The following ZNF420 variants were observed in gnomAD, a reference collection of about 807,000 sequenced individuals.
ZNF420 encodes the protein zinc finger protein 420.
ZNF420 carries 31 observed loss-of-function variants against 44.7 expected under a neutral mutation model. The observed-to-expected ratio is 0.69, with a 90% CI of 0.52 to 0.94. The LOEUF is 0.94. ZNF420 is among the 40% of genes least tolerant of loss of function. The probability of loss-of-function intolerance (pLI) is 0.00; values close to 1 mark genes in which losing one functional copy is unlikely to be tolerated. For missense variants in ZNF420, 681 were observed against 827.9 expected, an observed-to-expected ratio of 0.82 and a Z score of 2.18; for synonymous variants, 245 against 267.4, an observed-to-expected ratio of 0.92 and a Z score of 0.82.
intron 1 of ZNF420, among the ~76,000 whole-genome samples, chr19:37,032,393 T>A (rs930323834): frequency 2.0e-5 from 3 of 149,976 alleles, no homozygotes; most frequent in African/African-American, 7.4e-5. Flanking sequence ...TAATCCCAGG[T>A]ACTTCGGAGG....
chr19:37,011,377 C>T (rs1392814768), intron 1 of ZNF420, among the ~76,000 whole-genome samples: 1 of 152,084 alleles, frequency 6.6e-6, no homozygotes, highest in African/African-American at 2.4e-5. Flanking sequence ...AAGGCGGTGT[C>T]GCGTTTCCTC....
chr19:37,057,667 A>C (rs575880310), intron 1 of ZNF420, among the ~76,000 whole-genome samples: 1 of 151,962 alleles, frequency 6.6e-6, no homozygotes, highest in East Asian at 1.9e-4. Context: ...TGGTGGTTCC[A>C]CTTTGGGATT....
chr19:37,125,419 A>T (rs1235856255), intron 4 of ZNF420, among the ~76,000 whole-genome samples: 1 of 152,204 alleles, frequency 6.6e-6, no homozygotes, highest in African/African-American at 2.4e-5. Context: ...TCATAGATTT[A>T]GTATGGAGGT....
chr19:37,080,837 G>A (rs1420650332), intron 2 of ZNF420, among the ~76,000 whole-genome samples: 1 of 151,872 alleles, frequency 6.6e-6, no homozygotes, highest in East Asian at 1.9e-4. Flanking sequence ...CGGATGGAAC[G>A]AGGTTAGGAG....
chr19:37,059,831 T>C (rs527645905), intron 1 of ZNF420, among the ~76,000 whole-genome samples: 5 of 152,198 alleles, frequency 3.3e-5, no homozygotes, highest in African/African-American at 1.2e-4. Context: ...TCTGTGTGTG[T>C]GTGCGTATGT....
chr19:37,085,297 T>G (rs760473509), intron 2 of ZNF420, among the ~76,000 whole-genome samples: 1 of 152,260 alleles, frequency 6.6e-6, no homozygotes, highest in Non-Finnish European at 1.5e-5. Context: ...CCACAGTATA[T>G]TCTCTGTATA....
chr19:37,095,648 T>G (rs1048249938), intron 4 of ZNF420, among the ~76,000 whole-genome samples: 10 of 152,228 alleles, frequency 6.6e-5, no homozygotes, highest in Admixed American at 2.6e-4. Flanking sequence ...GCCCAGGCTG[T>G]AGTGCAGTGG....
chr19:37,025,531 C>CTTTTTTTTTTTTTTTTTTTTTTT (rs990549701), intron 1 of ZNF420, among the ~76,000 whole-genome samples: 1 of 151,940 alleles, frequency 6.6e-6, no homozygotes, highest in African/African-American at 2.4e-5. Context: ...GACAGGTGGT[C>CTTTTTTTTTTTTTTTTTTTTTTT]TTTTTTATCT....
intron 2 of ZNF420, among the ~76,000 whole-genome samples, chr19:37,083,218 T>C (rs1477233782): frequency 6.6e-6 from 1 of 151,954 alleles, no homozygotes; most frequent in African/African-American, 2.4e-5. Context: ...TGATGTGCAC[T>C]TCTCTGAAGT....
intron 4 of ZNF420, among the ~76,000 whole-genome samples, chr19:37,118,071 T>G (rs1157066473): frequency 6.6e-6 from 1 of 152,196 alleles, no homozygotes; most frequent in East Asian, 1.9e-4. Flanking sequence ...CCAGGAGAAC[T>G]TCCCCAATCT....
chr19:37,051,135 G>A (rs1430540506), intron 1 of ZNF420, among the ~76,000 whole-genome samples: 1 of 152,176 alleles, frequency 6.6e-6, no homozygotes, highest in African/African-American at 2.4e-5. Flanking sequence ...GTATTTCATT[G>A]AGGATTTTTG....
At chr19:37,039,224 A>G (rs1278080207) in intron 1 of ZNF420, among the ~76,000 whole-genome samples, 2 of 152,328 alleles carry the variant, frequency 1.3e-5, no homozygotes, top group South Asian at 2.1e-4. Context: ...TGGCATCTAC[A>G]ATAGTGAATC....
Position 37,036,822 on chromosome 19 carries a change from A to G in ZNF420, c.-125+28740A>G, listed in dbSNP as rs79136492. ...CAGCCCACATTTGCATTATGTCGAA[A>G]TAATTATGAGTTACAAATGAAGCTA... On this transcript the variant is annotated intron_variant, in intron 1 of 4. Coordinates refer to the ZNF420 transcript ENST00000587029. Among the ~76,000 whole-genome samples the G allele has an allele frequency of 1.2e-3, 179 of 152,354 alleles. 1 individual carries two copies. The East Asian group carries it at 0.015, about 13-fold the overall frequency.
chr19:37,108,817 T>A (rs1167555803), intron 4 of ZNF420, among the ~76,000 whole-genome samples: 1 of 152,210 alleles, frequency 6.6e-6, no homozygotes, highest in African/African-American at 2.4e-5. Flanking sequence ...ATGACTGAGT[T>A]TGTCCTGTGC....
chr19:37,067,326 T>C (rs1967983360), intron 1 of ZNF420, among the ~76,000 whole-genome samples: 1 of 152,208 alleles, frequency 6.6e-6, no homozygotes, highest in Admixed American at 6.5e-5. Flanking sequence ...TAACTAGATA[T>C]TGAACTTTAG....
At chr19:37,072,807 TG>T (rs1258423725) in intron 1 of ZNF420, among the ~76,000 whole-genome samples, 3 of 152,250 alleles carry the variant, frequency 2.0e-5, no homozygotes, top group Non-Finnish European at 4.4e-5. Context: ...ATTTTAATTT[TG>T]TAATATTCAA....
chr19:37,069,598 C>T (rs1278068744), intron 1 of ZNF420, among the ~76,000 whole-genome samples: 1 of 152,060 alleles, frequency 6.6e-6, no homozygotes, highest in Non-Finnish European at 1.5e-5. Context: ...AACACAAACC[C>T]TATTTTATAA....
intron 4 of ZNF420, among the ~76,000 whole-genome samples, chr19:37,110,978 T>C (rs1970360131): frequency 6.6e-6 from 1 of 152,232 alleles, no homozygotes; most frequent in Non-Finnish European, 1.5e-5. Context: ...CTTGTCTAAC[T>C]TGTTCCTTGG....
intron 4 of ZNF420, among the ~76,000 whole-genome samples, chr19:37,112,608 C>G (rs1970441285): frequency 6.6e-6 from 1 of 152,212 alleles, no homozygotes; most frequent in South Asian, 2.1e-4. Flanking sequence ...GGTCTGCTCT[C>G]TGAGACCTGA....
Sources: gnomAD v4.1 joint callset for allele counts (sites outside exome capture counted in the v4.1 genomes callset) on GRCh38, gnomAD v4.1.1 for gene constraint, MANE v1.5 for transcripts, NCBI Gene and HGNC (gene_info 2026-07-23, HGNC 2026-07-21) for gene names.